Variants in PPP2R2B observed in about 807,000 individuals in gnomAD.
PPP2R2B encodes protein phosphatase 2 regulatory subunit Bbeta.
PPP2R2B carries 5 observed loss-of-function variants against 46.0 expected under a neutral mutation model. The ratio of observed to expected loss-of-function variants is 0.11; its 90% confidence interval spans 0.06 to 0.23. The LOEUF (loss-of-function observed/expected upper bound fraction) is 0.23, where lower values mean the gene tolerates loss of function less well. Ranked by LOEUF, PPP2R2B falls within the 10% of genes least tolerant of loss-of-function variation. PPP2R2B has a pLI of 1.00. For synonymous variants in PPP2R2B, 215 were observed against 206.7 expected (o/e 1.04, Z -0.34); for missense variants, 367 against 575.0 (o/e 0.64, Z 3.70).
intron 2 of PPP2R2B, among the ~76,000 whole-genome samples, chr5:146,839,688 T>C (rs1010885448): frequency 1.3e-5 from 2 of 152,208 alleles, no homozygotes; most frequent in African/African-American, 4.8e-5. Flanking sequence ...CAAAAAATCA[T>C]CAGCAACTTG....
At chr5:146,590,253 A>C in intron 9 of PPP2R2B, 27 bp from the exon 10 acceptor site, 1 of 1,604,852 alleles carries the variant, frequency 6.2e-7, no homozygotes, top group Non-Finnish European at 8.5e-7. Flanking sequence ...AAAGGCAATG[A>C]CATATCTTCA....
chr5:146,963,248 T>G (rs1752257683), intron 1 of PPP2R2B, among the ~76,000 whole-genome samples: 1 of 152,236 alleles, frequency 6.6e-6, no homozygotes, highest in Non-Finnish European at 1.5e-5. Context: ...TGAGATTTGC[T>G]GTCTTCATGG....
chr5:146,961,258 G>A (rs917984076), intron 1 of PPP2R2B, among the ~76,000 whole-genome samples: 1 of 152,152 alleles, frequency 6.6e-6, no homozygotes, highest in Non-Finnish European at 1.5e-5. Context: ...AAGGGGGAAG[G>A]CTATGATGAA....
At chr5:146,701,197 A>T (rs1460769548) in intron 2 of PPP2R2B, 55 bp from the exon 3 acceptor site, 1 of 1,333,170 alleles carries the variant, frequency 7.5e-7, no homozygotes, top group African/African-American at 1.4e-5. Flanking sequence ...CTTTGAAAGG[A>T]TAGATAATAG....
At chr5:146,736,527 A>G (rs1752549016) in intron 2 of PPP2R2B, among the ~76,000 whole-genome samples, 1 of 152,188 alleles carries the variant, frequency 6.6e-6, no homozygotes, top group Non-Finnish European at 1.5e-5. Flanking sequence ...TCCAAACCTC[A>G]TATGTCTAAA....
chr5:147,079,916 T>G (rs1219609747), intron 2 of PPP2R2B, among the ~76,000 whole-genome samples: 1 of 152,204 alleles, frequency 6.6e-6, no homozygotes, highest in African/African-American at 2.4e-5. Flanking sequence ...CATTACACAA[T>G]ATACACATAT....
intron 1 of PPP2R2B, among the ~76,000 whole-genome samples, chr5:147,046,290 C>G (rs1580851324): frequency 6.6e-6 from 1 of 152,288 alleles, no homozygotes; most frequent in South Asian, 2.1e-4. Flanking sequence ...CGTGTATCAA[C>G]AATAAGATCC....
chr5:146,668,045 A>T (rs543839777), intron 5 of PPP2R2B, among the ~76,000 whole-genome samples: 1 of 152,232 alleles, frequency 6.6e-6, no homozygotes, highest in Admixed American at 6.5e-5. Flanking sequence ...TGTTCACCTC[A>T]CTTCTATCCA....
intron 5 of PPP2R2B, among the ~76,000 whole-genome samples, chr5:146,671,139 A>C (rs1163330196): frequency 6.6e-6 from 1 of 152,222 alleles, no homozygotes; most frequent in Admixed American, 6.5e-5. Context: ...TATGTGATTC[A>C]ATATTACTTA....
In PPP2R2B at chr5:146,835,364, G is replaced by A. The variant is rs1192996466; in HGVS notation, c.70+42638C>T. 3.3e-5 allele frequency among the ~76,000 whole-genome samples: 5 copies of A among 152,160 alleles called. No individual in the cohort carries two copies. The East Asian group carries it at 7.7e-4, about 24-fold the overall frequency. ...AGTTAAATCAGAAATTTCAGGGAGT[G>A]TTTTGATTTCCCAATCCACCACTTT... On this transcript the variant is annotated intron_variant, in intron 2 of 9. Coordinates refer to ENST00000394411, the MANE Select transcript of PPP2R2B (RefSeq NM_181675.4).
At chr5:146,617,562 G>A (rs1387222423) in intron 7 of PPP2R2B, among the ~76,000 whole-genome samples, 1 of 152,208 alleles carries the variant, frequency 6.6e-6, no homozygotes, top group African/African-American at 2.4e-5. Flanking sequence ...AGTACCCAGT[G>A]TGTGTAAAGC....
At chr5:146,692,865 C>T (rs1778949943) in intron 4 of PPP2R2B, among the ~76,000 whole-genome samples, 1 of 152,142 alleles carries the variant, frequency 6.6e-6, no homozygotes, top group South Asian at 2.1e-4. Context: ...CAAGATCAGG[C>T]AAACAAATCA....
intron 2 of PPP2R2B, among the ~76,000 whole-genome samples, chr5:146,755,761 C>T (rs1211110674): frequency 6.6e-6 from 1 of 152,100 alleles, no homozygotes; most frequent in African/African-American, 2.4e-5. Context: ...TTCTTTTAGG[C>T]TTGTGCTAAT....
At chr5:147,011,395 C>CAT (rs1213397690) in intron 1 of PPP2R2B, among the ~76,000 whole-genome samples, 1 of 151,978 alleles carries the variant, frequency 6.6e-6, no homozygotes, top group Admixed American at 6.6e-5. Context: ...TATATATCAC[C>CAT]ATATATATCA....
chr5:146,866,145 A>G (rs183215922), intron 2 of PPP2R2B, among the ~76,000 whole-genome samples: 126 of 152,312 alleles, frequency 8.3e-4, no homozygotes, highest in African/African-American at 2.9e-3. Context: ...AATACTTATC[A>G]TCTGACCCTC....
At chr5:146,734,296 T>C (rs1752412179) in intron 2 of PPP2R2B, among the ~76,000 whole-genome samples, 1 of 152,048 alleles carries the variant, frequency 6.6e-6, no homozygotes, top group African/African-American at 2.4e-5. Flanking sequence ...GGCTCAAGAA[T>C]TCCTCCTGCC....
At chr5:146,701,238 G>C in intron 2 of PPP2R2B, 96 bp from the exon 3 acceptor site, 1 of 1,092,212 alleles carries the variant, frequency 9.2e-7, no homozygotes, top group Non-Finnish European at 1.4e-6. Context: ...AAGGGCTTAG[G>C]GCTTTGTCTC....
In PPP2R2B at chr5:146,698,842, T is replaced by C. The variant is rs1025164895; in HGVS notation, c.169-698A>G. Among the ~76,000 whole-genome samples the C allele has an allele frequency of 3.9e-5, 6 of 152,086 alleles. 1 individual carries two copies. In the South Asian group the frequency reaches 1.0e-3, roughly 26 times the overall value. The stretch of plus-strand genomic sequence containing the variant: ...TTAAGGAATGATGAGACTTTACCTC[T>C]TGGCTTTCCTCTAGCGCTGATTATG... On this transcript the variant is annotated intron_variant, in intron 3 of 9. Coordinates refer to ENST00000394411, the MANE Select transcript of PPP2R2B (RefSeq NM_181675.4).
intron 9 of PPP2R2B, among the ~76,000 whole-genome samples, chr5:146,590,965 T>G (rs1258848593): frequency 1.3e-5 from 2 of 152,200 alleles, no homozygotes; most frequent in Non-Finnish European, 2.9e-5. Context: ...TTATAAGTTA[T>G]CCCCTCTTAG....
Sources: allele counts gnomAD v4.1 joint callset (sites outside exome capture counted in the v4.1 genomes callset), GRCh38; gene constraint gnomAD v4.1.1; transcripts MANE v1.5; gene names NCBI Gene and HGNC (gene_info 2026-07-23, HGNC 2026-07-21).